Variants in PLXNA4 observed in about 807,000 individuals in gnomAD.
The protein encoded by PLXNA4 is plexin-A4.
PLXNA4 carries 44 observed loss-of-function variants against 191.8 expected under a neutral mutation model. The ratio of observed to expected loss-of-function variants is 0.23; its 90% CI spans 0.18 to 0.29. PLXNA4 has a LOEUF of 0.29. Ranked by LOEUF, PLXNA4 falls within the 10% of genes least tolerant of loss-of-function variation. The pLI, the probability that PLXNA4 is intolerant of heterozygous loss-of-function variation, is 1.00. For missense variants in PLXNA4, 1,800 were observed against 2,488.8 expected, an observed-to-expected ratio of 0.72 and a Z score of 5.89; for synonymous variants, 1,082 against 1,009.5, an observed-to-expected ratio of 1.07 and a Z score of -1.36.
chr7:132,430,861 C>T (rs1344887592), intron 3 of PLXNA4, among the ~76,000 whole-genome samples: 1 of 151,742 alleles, frequency 6.6e-6, no homozygotes, highest in Non-Finnish European at 1.5e-5. Flanking sequence ...CAAGGAGTCT[C>T]TTTAAAGAAA....
intron 1 of PLXNA4, among the ~76,000 whole-genome samples, chr7:132,512,804 G>A (rs558225970): frequency 3.9e-5 from 6 of 152,184 alleles, no homozygotes; most frequent in East Asian, 1.9e-4. Context: ...TCTTGTAAGC[G>A]GTAACCCCAA....
At chr7:132,596,879 C>A (rs983364839) in intron 2 of PLXNA4, among the ~76,000 whole-genome samples, 67 of 103,088 alleles carry the variant, frequency 6.5e-4, no homozygotes, top group African/African-American at 2.1e-3. Flanking sequence ...AAAAAAAAAA[C>A]AGCATGGAAC....
chr7:132,502,036 A>G (rs1281557259), intron 2 of PLXNA4, among the ~76,000 whole-genome samples: 1 of 152,236 alleles, frequency 6.6e-6, no homozygotes, highest in Non-Finnish European at 1.5e-5. Context: ...AACCCCATCA[A>G]GTCTGAGCCC....
chr7:132,556,116 T>C (rs1421907386), intron 1 of PLXNA4, among the ~76,000 whole-genome samples: 1 of 152,244 alleles, frequency 6.6e-6, no homozygotes, highest in Non-Finnish European at 1.5e-5. Flanking sequence ...TTGCCACATC[T>C]GCCTCAAATA....
At chr7:132,445,793 G>A (rs908908259) in intron 3 of PLXNA4, among the ~76,000 whole-genome samples, 2 of 152,206 alleles carry the variant, frequency 1.3e-5, no homozygotes, top group African/African-American at 4.8e-5. Context: ...ACCGAAGGGT[G>A]CCAGGAAGCT....
intron 3 of PLXNA4, among the ~76,000 whole-genome samples, chr7:132,359,323 C>G (rs1301621816): frequency 6.7e-6 from 1 of 149,448 alleles, no homozygotes; most frequent in Admixed American, 6.8e-5. Flanking sequence ...CAGAGTCAAG[C>G]AGTTCTCCTG....
At chr7:132,433,719 A>G (rs191397648) in intron 3 of PLXNA4, among the ~76,000 whole-genome samples, 1 of 152,220 alleles carries the variant, frequency 6.6e-6, no homozygotes, top group Admixed American at 6.5e-5. Context: ...GACCTGTGAT[A>G]CCTGTGATAT....
chr7:132,438,890 G>A (rs277489), intron 3 of PLXNA4, among the ~76,000 whole-genome samples: 131,631 of 152,210 alleles, frequency 0.86, 57,730 homozygotes, highest in East Asian at 1. Flanking sequence ...GTAAGTCATC[G>A]ATGGACTTTC....
chr7:132,647,602 G>A (rs1803901164), intron 1 of PLXNA4, among the ~76,000 whole-genome samples: 1 of 150,668 alleles, frequency 6.6e-6, no homozygotes, highest in African/African-American at 2.4e-5. Context: ...AACACATGCT[G>A]TTATCCACTC....
At chr7:132,276,062 G>A (rs1449217716) in intron 4 of PLXNA4, among the ~76,000 whole-genome samples, 3 of 152,150 alleles carry the variant, frequency 2.0e-5, no homozygotes, top group African/African-American at 7.2e-5. Context: ...ATGTGACTGT[G>A]TTATTCCATT....
chr7:132,152,053 G>A (rs1795662415), intron 25 of PLXNA4, among the ~76,000 whole-genome samples: 1 of 152,108 alleles, frequency 6.6e-6, no homozygotes, highest in East Asian at 1.9e-4. Context: ...GCTCATCACG[G>A]AATGTCTCAA....
In PLXNA4 at chr7:132,592,134, G is replaced by A. The variant is rs76597165; in HGVS notation, c.-87+53794C>T. ...AAAACTCAAGGTCTGGGCATTCTCT[G>A]TGCAATTCATTTCTCCCTGGGAACC... On this transcript the variant is annotated intron_variant, in intron 2 of 4. Transcript: ENST00000378539. Among the ~76,000 whole-genome samples the A allele has an allele frequency of 6.2e-3, 941 of 152,274 alleles. 7 individuals carry two copies. Among genetic ancestry groups the A allele is most frequent in the African/African-American group, 0.022 (903 of 41,562 alleles).
At chr7:132,256,449 G>A (rs1799434757) in intron 4 of PLXNA4, among the ~76,000 whole-genome samples, 1 of 152,132 alleles carries the variant, frequency 6.6e-6, no homozygotes, top group Non-Finnish European at 1.5e-5. Context: ...TGCCTCCCCA[G>A]GCAAGTTCAC....
intron 7 of PLXNA4, 26 bp downstream of exon 7, chr7:132,227,425 C>T (rs1209706304): frequency 6.2e-7 from 1 of 1,613,876 alleles, no homozygotes; most frequent in Non-Finnish European, 8.5e-7. Context: ...AGAAGTGCCA[C>T]TCAGCTGTGC....
intron 21 of PLXNA4, 89 bp downstream of exon 21, chr7:132,174,689 G>C (rs1462582149): frequency 1.9e-6 from 3 of 1,555,094 alleles, no homozygotes; most frequent in Non-Finnish European, 2.6e-6. Flanking sequence ...CCTGGCCTTA[G>C]TTTTCTCACC....
intron 3 of PLXNA4, among the ~76,000 whole-genome samples, chr7:132,303,168 C>T (rs1009000800): frequency 5.3e-5 from 8 of 152,020 alleles, no homozygotes; most frequent in African/African-American, 1.4e-4. Context: ...CCACCAGGCC[C>T]AGCCTAGATT....
chr7:132,508,563 C>G lies in PLXNA4; in HGVS notation c.131G>C (p.Arg44Pro). ...SQKQRSFVTF[R>P]GEPAEGFNHL... ...ATTGAAACCCTCGGCGGGCTCTCCT[C>G]GGAATGTGACAAATGACCGCTGCTT... The change falls in exon 2 of 32, where the codon CGA becomes CCA. Residue 44 changes from arginine (R) to proline (P), a missense_variant. Coordinates refer to ENST00000321063, the MANE Select transcript of PLXNA4 (RefSeq NM_020911.2). The surrounding 1 kb of genome is among the most constrained non-coding windows in gnomAD (Gnocchi z 4.4). 6.2e-7 allele frequency: 1 copy of G among 1,614,156 alleles called. No individual in the cohort carries two copies. Among genetic ancestry groups the G allele is most frequent in the Non-Finnish European group, 8.5e-7 (1 of 1,180,012 alleles).
chr7:132,228,495 C>T, intron 5 of PLXNA4, 26 bp from the exon 6 acceptor site: 1 of 1,613,246 alleles, frequency 6.2e-7, no homozygotes. Flanking sequence ...CCTCGAGTTA[C>T]TCAGGAGATG....
intron 2 of PLXNA4, among the ~76,000 whole-genome samples, chr7:132,630,197 G>A (rs1386805925): frequency 6.6e-6 from 1 of 152,098 alleles, no homozygotes; most frequent in African/African-American, 2.4e-5. Context: ...TTAGGACCAT[G>A]CCCTTATGAC....
Sources: gnomAD v4.1 joint callset for allele counts (sites outside exome capture counted in the v4.1 genomes callset) on GRCh38, gnomAD v4.1.1 for gene constraint, Gnocchi (gnomAD v3.1) non-coding constraint, MANE v1.5 for transcripts, NCBI Gene and HGNC (gene_info 2026-07-23, HGNC 2026-07-21) for gene names.